PCLO: variants seen among roughly 807,000 people sequenced by gnomAD.
PCLO encodes protein piccolo.
PCLO carries 82 observed loss-of-function variants against 427.5 expected under a neutral mutation model. The ratio of observed to expected loss-of-function variants is 0.19; its 90% CI spans 0.16 to 0.23. The LOEUF (loss-of-function observed/expected upper bound fraction) is 0.23, where lower values mean the gene tolerates loss of function less well. Among genes scored for constraint, PCLO ranks in the 10% least tolerant of loss-of-function variants. The pLI, the probability that PCLO is intolerant of heterozygous loss-of-function variation, is 1.00. For synonymous variants in PCLO, 2,357 were observed against 2,155.4 expected, an observed-to-expected ratio of 1.09 and a Z score of -2.59; for missense variants, 6,239 against 6,115.9, an observed-to-expected ratio of 1.02 and a Z score of -0.67.
In PCLO at chr7:83,095,171, T is replaced by C. The variant is rs1790500938; in HGVS notation, c.3300+39079A>G. Among the ~76,000 whole-genome samples, 4 of 152,152 alleles carry C rather than the reference T, an allele frequency of 2.6e-5. 1 individual carries two copies. The South Asian group carries it at 6.2e-4, about 24-fold the overall frequency. Reference sequence around the variant, plus strand: ...AGAACTATTCAAATAATCTATTTCATATCATGTGAATTACGGGAGTTTGTG... The same window carrying C: ...AGAACTATTCAAATAATCTATTTCACATCATGTGAATTACGGGAGTTTGTG... On this transcript the variant is annotated intron_variant, in intron 3 of 24. Transcript: ENST00000333891.
At chr7:83,152,444 G>C (rs927352272) in intron 2 of PCLO, among the ~76,000 whole-genome samples, 1 of 152,232 alleles carries the variant, frequency 6.6e-6, no homozygotes, top group African/African-American at 2.4e-5. Context: ...CATCAAATGT[G>C]TATCATATTA....
At chr7:82,847,883 T>A (rs1313021925) in intron 10 of PCLO, among the ~76,000 whole-genome samples, 1 of 152,152 alleles carries the variant, frequency 6.6e-6, no homozygotes, top group African/African-American at 2.4e-5. Context: ...GAAAGGCCTA[T>A]GCTTGGTTTA....
chr7:82,821,085 T>C, intron 20 of PCLO: 2 of 1,095,340 alleles, frequency 1.8e-6, no homozygotes, highest in Non-Finnish European at 2.2e-6. Context: ...TCTTGCTGTG[T>C]GCTTTGAACA....
chr7:83,062,161 T>C (rs530009892), intron 3 of PCLO, among the ~76,000 whole-genome samples: 4 of 152,172 alleles, frequency 2.6e-5, no homozygotes, highest in African/African-American at 7.2e-5. Context: ...GCTGTCTTAA[T>C]GAAAACCTTA....
chr7:82,792,654 T>A (rs866347840), intron 22 of PCLO, among the ~76,000 whole-genome samples: 15 of 152,054 alleles, frequency 9.9e-5, no homozygotes, highest in Admixed American at 2.0e-4. Flanking sequence ...ACTTCTTTTT[T>A]AAAAAAATAA....
At chr7:82,979,952 A>T (rs1796110535) in intron 3 of PCLO, among the ~76,000 whole-genome samples, 1 of 152,168 alleles carries the variant, frequency 6.6e-6, no homozygotes, top group African/African-American at 2.4e-5. Context: ...AGTTCAATTA[A>T]TTTCTTTAAA....
chr7:83,029,089 G>GCT (rs1373939619), intron 3 of PCLO, among the ~76,000 whole-genome samples: 2 of 151,884 alleles, frequency 1.3e-5, no homozygotes, highest in African/African-American at 4.8e-5. Context: ...AACAGCAACA[G>GCT]AAGAAAAAAT....
rs749781634 is a variant in PCLO at position 82,956,864 on chromosome 7, C to T, written c.4089G>A (p.Thr1363=). Residue 1363 remains threonine (T), a synonymous_variant, in exon 5 of 25, where the codon ACG becomes ACA. Transcript: ENST00000333891. ...QPKSPQGLSD[T]GYSSDGISSS... is the part of the protein sequence containing the mutation. Reference sequence around the variant, plus strand: ...TTGATATTCCATCGGAAGAATATCCCGTGTCGCTCAGACCTTGGGGGCTTT... The same window carrying T: ...TTGATATTCCATCGGAAGAATATCCTGTGTCGCTCAGACCTTGGGGGCTTT... 9.9e-6 allele frequency: 16 copies of T among 1,613,776 alleles called. No individual in the cohort carries two copies. In the East Asian group the frequency reaches 2.5e-4, roughly 25 times the overall value.
chr7:82,966,629 T>G (rs1422323320), intron 3 of PCLO, 142 bp from the exon 4 acceptor site: 1 of 475,214 alleles, frequency 2.1e-6, no homozygotes, highest in Non-Finnish European at 3.6e-6. Flanking sequence ...CCAAATCCAA[T>G]GACGCAGTAA....
At chr7:82,797,180 G>C (rs1303221873) in intron 22 of PCLO, among the ~76,000 whole-genome samples, 1 of 151,986 alleles carries the variant, frequency 6.6e-6, no homozygotes, top group East Asian at 1.9e-4. Flanking sequence ...ATTTTATAAA[G>C]ATACTTAAGA....
At chr7:82,977,869 G>T (rs191416369) in intron 3 of PCLO, among the ~76,000 whole-genome samples, 1 of 152,102 alleles carries the variant, frequency 6.6e-6, no homozygotes, top group Admixed American at 6.5e-5. Context: ...GTTAACTACT[G>T]TCCTAAGTAT....
intron 4 of PCLO, among the ~76,000 whole-genome samples, chr7:82,963,236 T>G (rs1004183459): frequency 6.6e-6 from 1 of 152,098 alleles, no homozygotes; most frequent in Admixed American, 6.5e-5. Flanking sequence ...TTATCATGTC[T>G]GCTTATTTAA....
At chr7:82,836,597 A>T (rs900697485) in intron 15 of PCLO, among the ~76,000 whole-genome samples, 4 of 152,196 alleles carry the variant, frequency 2.6e-5, no homozygotes, top group African/African-American at 9.6e-5. Context: ...CCAAGTTTTT[A>T]AAATAAAATT....
chr7:82,764,389 A>G (rs1379828721), intron 22 of PCLO, among the ~76,000 whole-genome samples: 2 of 151,962 alleles, frequency 1.3e-5, no homozygotes, highest in Non-Finnish European at 2.9e-5. Context: ...AATATCATCA[A>G]TATGACATAA....
chr7:82,803,561 T>C (rs1199484449), intron 21 of PCLO, among the ~76,000 whole-genome samples: 1 of 152,154 alleles, frequency 6.6e-6, no homozygotes, highest in Non-Finnish European at 1.5e-5. Flanking sequence ...AAAACTTTCA[T>C]AGGATTGTGA....
chr7:82,884,204 G>A (rs1046953825), intron 9 of PCLO, among the ~76,000 whole-genome samples: 10 of 152,042 alleles, frequency 6.6e-5, no homozygotes, highest in Non-Finnish European at 1.0e-4. Context: ...AAAATGTTAT[G>A]TACAGTTCAA....
intron 9 of PCLO, among the ~76,000 whole-genome samples, chr7:82,889,032 T>C (rs1373762137): frequency 8.8e-6 from 1 of 113,646 alleles, no homozygotes; most frequent in African/African-American, 3.4e-5. Flanking sequence ...GGGTGAGGGG[T>C]TTCTGTTACC....
intron 6 of PCLO, among the ~76,000 whole-genome samples, chr7:82,924,819 A>C (rs187993995): frequency 1.4e-4 from 22 of 152,254 alleles, no homozygotes; most frequent in African/African-American, 5.3e-4. Context: ...AAAAAAAGGA[A>C]TTAGAACAAA....
At chr7:82,973,096 TC>T (rs1795941360) in intron 3 of PCLO, among the ~76,000 whole-genome samples, 1 of 152,058 alleles carries the variant, frequency 6.6e-6, no homozygotes, top group Non-Finnish European at 1.5e-5. Context: ...GTTGACACAT[TC>T]TTTTTCCAGA....
Sources: allele counts gnomAD v4.1 joint callset (sites outside exome capture counted in the v4.1 genomes callset), GRCh38; gene constraint gnomAD v4.1.1; transcripts MANE v1.5; gene names NCBI Gene and HGNC (gene_info 2026-07-23, HGNC 2026-07-21).